Variants in SLIT3 observed in about 807,000 individuals in gnomAD.
SLIT3 encodes the protein slit homolog 3 protein.
Under a neutral mutation model 184.0 loss-of-function variants are expected in SLIT3, and 68 were observed. That is an observed-to-expected ratio of 0.37 (90% CI 0.30 to 0.45). The LOEUF (loss-of-function observed/expected upper bound fraction) is 0.45. Among genes scored for constraint, SLIT3 ranks in the 20% least tolerant of loss-of-function variants. The pLI, the probability that SLIT3 is intolerant of heterozygous loss-of-function variation, is 1.00. For missense variants in SLIT3, 1,707 were observed against 2,026.0 expected (o/e 0.84, Z 3.02); for synonymous variants, 831 against 828.6 (o/e 1.00, Z -0.05).
intron 4 of SLIT3, among the ~76,000 whole-genome samples, chr5:169,123,451 TG>T (rs1236399075): frequency 2.6e-5 from 4 of 152,218 alleles, no homozygotes; most frequent in Non-Finnish European, 4.4e-5. Flanking sequence ...AAATTCAACT[TG>T]TTTGTGCTCT....
intron 10 of SLIT3, chr5:168,789,957 G>A (rs1422898558): frequency 7.8e-6 from 2 of 257,022 alleles, no homozygotes; most frequent in East Asian, 8.2e-5. Context: ...AGGGCCTTAC[G>A]TTTCATTACC....
At chr5:168,710,812 G>T in intron 25 of SLIT3, 83 bp downstream of exon 25, 1 of 1,235,580 alleles carries the variant, frequency 8.1e-7, no homozygotes, top group Non-Finnish European at 1.1e-6. Context: ...CACATCTGTT[G>T]AGATACCCTG....
At chr5:168,877,640 G>A (rs1463638317) in intron 5 of SLIT3, among the ~76,000 whole-genome samples, 1 of 152,186 alleles carries the variant, frequency 6.6e-6, no homozygotes, top group Non-Finnish European at 1.5e-5. Context: ...CAGGAAGCAG[G>A]AGGGCAGACA....
At chr5:168,719,526 G>A (rs906863533) in intron 23 of SLIT3, among the ~76,000 whole-genome samples, 2 of 152,192 alleles carry the variant, frequency 1.3e-5, no homozygotes, top group East Asian at 1.9e-4. Context: ...GTAACGCTAT[G>A]TGATAAGCAC....
intron 9 of SLIT3, among the ~76,000 whole-genome samples, chr5:168,799,272 C>T (rs553938424): frequency 3.3e-4 from 50 of 152,330 alleles, no homozygotes; most frequent in Non-Finnish European, 6.6e-4. Flanking sequence ...GCATTTGCAT[C>T]AGCAAAAACT....
chr5:169,289,893 A>G (rs1432303536), intron 1 of SLIT3, among the ~76,000 whole-genome samples: 2 of 152,044 alleles, frequency 1.3e-5, no homozygotes, highest in African/African-American at 4.8e-5. Flanking sequence ...TAGGGCACAC[A>G]CTAGGGCATA....
intron 4 of SLIT3, among the ~76,000 whole-genome samples, chr5:168,970,253 T>G (rs1754522372): frequency 6.6e-6 from 1 of 151,852 alleles, no homozygotes; most frequent in Non-Finnish European, 1.5e-5. Context: ...CCTAGCACTT[T>G]GGGAGGCTGA....
intron 4 of SLIT3, among the ~76,000 whole-genome samples, chr5:168,929,503 G>A (rs749833992): frequency 1.3e-5 from 2 of 152,200 alleles, no homozygotes; most frequent in Non-Finnish European, 2.9e-5. Flanking sequence ...CACAGAGGTA[G>A]AGGCAAAATT....
intron 20 of SLIT3, among the ~76,000 whole-genome samples, chr5:168,732,052 A>C (rs1337287168): frequency 6.6e-6 from 1 of 152,108 alleles, no homozygotes; most frequent in African/African-American, 2.4e-5. Flanking sequence ...AACACTAAAT[A>C]CTTGACCAAA....
At chr5:168,753,133 G>A (rs763248580) in intron 17 of SLIT3, 35 bp from the exon 18 acceptor site, 1 of 1,610,676 alleles carries the variant, frequency 6.2e-7, no homozygotes, top group South Asian at 1.1e-5. Context: ...GAGAGCACAG[G>A]CATGATCTTT....
chr5:169,080,568 G>T (rs556126615), intron 4 of SLIT3, among the ~76,000 whole-genome samples: 1 of 152,286 alleles, frequency 6.6e-6, no homozygotes, highest in African/African-American at 2.4e-5. Flanking sequence ...CCTCCGAGGT[G>T]AGAGCTATAA....
At chr5:169,282,715 C>T (rs1229141402) in intron 1 of SLIT3, among the ~76,000 whole-genome samples, 3 of 152,148 alleles carry the variant, frequency 2.0e-5, no homozygotes, top group Non-Finnish European at 2.9e-5. Context: ...CAACAGCAAG[C>T]GATTCTGGTT....
intron 4 of SLIT3, among the ~76,000 whole-genome samples, chr5:169,188,811 G>A (rs895977424): frequency 6.6e-6 from 1 of 152,182 alleles, no homozygotes; most frequent in African/African-American, 2.4e-5. Flanking sequence ...CATTGTCTAT[G>A]TTACTGATAA....
At chr5:168,669,739 C>T (rs746557785) in intron 35 of SLIT3, 44 bp downstream of exon 35, 8 of 1,528,842 alleles carry the variant, frequency 5.2e-6, no homozygotes, top group Non-Finnish European at 7.2e-6. Context: ...TGAAGTCCAA[C>T]TCTGACCCCC....
At chr5:169,073,480 G>A (rs1246881076) in intron 4 of SLIT3, among the ~76,000 whole-genome samples, 3 of 151,466 alleles carry the variant, frequency 2.0e-5, no homozygotes, top group Non-Finnish European at 4.4e-5. Context: ...TTGGTGGGAG[G>A]CAAAGTCGTC....
At chr5:168,832,715 A>G (rs1194705930) in intron 6 of SLIT3, among the ~76,000 whole-genome samples, 1 of 152,180 alleles carries the variant, frequency 6.6e-6, no homozygotes, top group East Asian at 1.9e-4. Context: ...ATGGGGGTGC[A>G]GCATTGCCAG....
intron 4 of SLIT3, among the ~76,000 whole-genome samples, chr5:168,891,387 T>A (rs1228874234): frequency 6.6e-6 from 1 of 152,142 alleles, no homozygotes; most frequent in Non-Finnish European, 1.5e-5. Context: ...GGTTACACCC[T>A]CCCCTGGGAG....
chr5:168,750,806 T>C (rs907222215), intron 18 of SLIT3, among the ~76,000 whole-genome samples: 3 of 152,038 alleles, frequency 2.0e-5, no homozygotes, highest in Non-Finnish European at 2.9e-5. Context: ...TTGGCACAGA[T>C]CTAAACATTA....
chr5:168,710,399 C>T (rs1231872051), intron 25 of SLIT3, among the ~76,000 whole-genome samples: 1 of 151,996 alleles, frequency 6.6e-6, no homozygotes, highest in African/African-American at 2.4e-5. Context: ...ATCACATGTA[C>T]AAAAGTTTGC....
Sources: gnomAD v4.1 joint callset for allele counts (sites outside exome capture counted in the v4.1 genomes callset) on GRCh38, gnomAD v4.1.1 for gene constraint, MANE v1.5 for transcripts, NCBI Gene and HGNC (gene_info 2026-07-23, HGNC 2026-07-21) for gene names.